Variants in SPTBN2 observed in about 807,000 individuals in gnomAD.
SPTBN2 encodes the protein spectrin beta, non-erythrocytic 2, also known as spectrin beta chain, non-erythrocytic 2.
Under a neutral mutation model 284.2 loss-of-function variants are expected in SPTBN2, and 107 were observed. The observed-to-expected ratio is 0.38, with a 90% CI of 0.32 to 0.44. The LOEUF is 0.44. Among genes scored for constraint, SPTBN2 ranks in the 20% least tolerant of loss-of-function variants. SPTBN2 has a pLI of 1.00. For synonymous variants in SPTBN2, 1,289 were observed against 1,354.8 expected, an observed-to-expected ratio of 0.95 and a Z score of 1.07; for missense variants, 2,569 against 3,287.1, an observed-to-expected ratio of 0.78 and a Z score of 5.34.
intron 1 of SPTBN2, 68 bp from the exon 2 acceptor site, chr11:66,721,508 C>T (rs1357329263): frequency 7.7e-6 from 4 of 517,848 alleles, no homozygotes; most frequent in South Asian, 4.0e-5. Context: ...CAGAGCAATG[C>T]GGTGGTCAGG....
In SPTBN2 at chr11:66,719,004, G is replaced by A. The variant is rs374888713; in HGVS notation, c.157+2080C>T. On this transcript the variant is annotated intron_variant, in intron 3 of 37. Transcript: ENST00000533211. Reference sequence around the variant, plus strand: ...TTACCTAACAATGCACAGGACCCACGAGAGGGGCCCCCAATGCAAACTCCT... The same window carrying A: ...TTACCTAACAATGCACAGGACCCACAAGAGGGGCCCCCAATGCAAACTCCT... Among the ~76,000 whole-genome samples, 10 of 152,234 alleles carry A rather than the reference G, an allele frequency of 6.6e-5. No individual in the cohort carries two copies. The East Asian group carries it at 9.6e-4, about 15-fold the overall frequency.
chr11:66,695,706 AGAG>A (rs1382448962), intron 21 of SPTBN2, among the ~76,000 whole-genome samples: 1 of 152,030 alleles, frequency 6.6e-6, no homozygotes, highest in Non-Finnish European at 1.5e-5. Flanking sequence ...CCCCTGCTAT[AGAG>A]TTCTCTTTAC....
rs372293906 is a variant in SPTBN2 at position 66,710,742 on chromosome 11, G to A, written c.913C>T (p.Arg305Cys). Reference protein sequence around the residue: ...KVLDHAMEAERLVEKYESLAS... With the variant: ...KVLDHAMEAECLVEKYESLAS... ...AGGGACTCGTATTTCTCCACCAGGC[G>A]CTCTGCCTCCATGGCATGGTCCAGC... Residue 305 changes from arginine (R) to cysteine (C), a missense_variant, in exon 10 of 38, where the codon CGC becomes TGC. By Grantham distance (180) the Arg-to-Cys change is radical. This residue lies in a region of SPTBN2 where 304 missense variants were observed against 522.1 expected (regional missense o/e 0.58). Transcript: ENST00000533211. This position sits in a 1 kb window ranked among gnomAD's most constrained non-coding sequence, Gnocchi z 4.9. 1.5e-5 allele frequency: 24 copies of A among 1,614,082 alleles called. No individual in the cohort carries two copies. Among genetic ancestry groups the A allele is most frequent in the East Asian group, 2.2e-5 (1 of 44,886 alleles).
In SPTBN2 at chr11:66,718,416, T is replaced by A. The variant is rs553609961; in HGVS notation, c.158-2435A>T. Among the ~76,000 whole-genome samples the A allele has an allele frequency of 2.4e-4, 36 of 152,310 alleles. No homozygotes were observed. The highest frequency in any genetic ancestry group is 8.5e-4 in the Admixed American group (13 of 15,298). On this transcript the variant is annotated intron_variant, in intron 3 of 37. Transcript: ENST00000533211. This position sits in a 1 kb window ranked among gnomAD's most constrained non-coding sequence, Gnocchi z 4.8. ...GGTCCCTCTCGCCCAGGCACAGTCG[T>A]CCCCACAGGGGGCCCCCGGGCCTCA...
chr11:66,687,420 G>C lies in SPTBN2; in HGVS notation c.6722+7C>G, dbSNP rs1940192190. On this transcript the variant is annotated splice_region_variant and intron_variant, in intron 35 of 37. Transcript: ENST00000533211. This position sits in a 1 kb window ranked among gnomAD's most constrained non-coding sequence, Gnocchi z 5.2. The stretch of plus-strand genomic sequence containing the variant: ...CCCTCTGAGAGCAGGCTCCAGAGAG[G>C]CTGTACCTGTTGGCAGCCTTCTTCC... 1 of 1,604,646 alleles carries C rather than the reference G, an allele frequency of 6.2e-7. No individual in the cohort carries two copies. The highest frequency in any genetic ancestry group is 1.3e-5 in the African/African-American group (1 of 75,048).
chr11:66,705,782 A>G lies in SPTBN2; in HGVS notation c.1709T>C (p.Leu570Pro). ...TGCCTCCACCAGCTCGTGCAGCTGC[A>G]GCAGGTCCTCCACTCCTGCTAGGTG... ...GRHLAGVEDL[L>P]QLHELVEADI... Residue 570 changes from leucine (L) to proline (P), a missense_variant, in exon 14 of 38, where the codon CTG becomes CCG. By Grantham distance (98) the Leu-to-Pro change is moderately conservative. Around this residue, in one of 6 missense-constraint regions of SPTBN2, gnomAD observed 1,012 missense variants for 1,248.9 expected, o/e 0.81. Transcript: ENST00000533211. 5 of 1,612,544 alleles carry G rather than the reference A, an allele frequency of 3.1e-6. No individual in the cohort carries two copies. The South Asian group carries it at 5.5e-5, about 18-fold the overall frequency.
At chr11:66,725,200 C>T (rs1942572498) in intron 1 of SPTBN2, among the ~76,000 whole-genome samples, 1 of 152,324 alleles carries the variant, frequency 6.6e-6, no homozygotes, top group South Asian at 2.1e-4. Context: ...AGATCACAGA[C>T]CCCCACAGGG....
Position 66,693,589 on chromosome 11 carries a change from C to G in SPTBN2, c.4594-143G>C. On this transcript the variant is annotated intron_variant, in intron 23 of 37. Transcript: ENST00000533211. This position sits in a 1 kb window ranked among gnomAD's most constrained non-coding sequence, Gnocchi z 5.7. The stretch of plus-strand genomic sequence containing the variant: ...AGCCTGGGGGTGCGATGGTAACACC[C>G]GTCAGCCGCCCAGCCCCCACTATCT... 1 of 1,420,822 alleles carries G rather than the reference C, an allele frequency of 7.0e-7. No homozygotes were observed. Among genetic ancestry groups the G allele is most frequent in the Non-Finnish European group, 9.6e-7 (1 of 1,046,440 alleles). 88.0% of individuals were successfully genotyped at this position (1,420,822 alleles called of 1,614,324 possible).
chr11:66,694,535 AAGAATCC>A (rs1287757395), intron 21 of SPTBN2, among the ~76,000 whole-genome samples, 172 bp from the exon 22 acceptor site: 1 of 152,208 alleles, frequency 6.6e-6, no homozygotes, highest in Non-Finnish European at 1.5e-5. Context: ...TTATATGCAC[AAGAATCC>A]AAGGGCAGGG....
Position 66,692,607 on chromosome 11 carries a change from C to T in SPTBN2, c.5119G>A (p.Glu1707Lys). Residue 1707 changes from glutamate (E) to lysine (K), a missense_variant, in exon 26 of 38, where the codon GAA (glutamate) becomes AAA (lysine). Physicochemically the swap from Glu to Lys is moderately conservative, Grantham distance 56. This residue lies in a region of SPTBN2 where 1,130 missense variants were observed against 1,317.3 expected (regional missense o/e 0.86). Coordinates refer to ENST00000533211, the MANE Select transcript of SPTBN2 (RefSeq NM_006946.4). ...ACCTCGCGCTCCTGGATCCACTGTT[C>T]CAGGTCATCCAGCTCGCGGCGGAGC... ...CQLRRELDDL[E>K]QWIQEREVVA... The T allele has an allele frequency of 6.2e-7, 1 of 1,606,936 alleles. No homozygotes were observed. The highest frequency in any genetic ancestry group is 2.2e-5 in the East Asian group (1 of 44,870).
Position 66,683,559 on chromosome 11 carries a change from C to T in SPTBN2, c.*2312G>A, listed in dbSNP as rs1426014658. On this transcript the variant is annotated 3_prime_UTR_variant, in exon 38 of 38. Transcript: ENST00000533211. ...TAATTCCTGACACTATGCTTCCCCT[C>T]TTCTATGTCCTGTTCTTAAGGAATC... is the stretch of plus-strand genomic sequence containing the variant. Among the ~76,000 whole-genome samples the T allele has an allele frequency of 1.3e-5, 2 of 152,220 alleles. No individual in the cohort carries two copies. Among genetic ancestry groups the T allele is most frequent in the Non-Finnish European group, 2.9e-5 (2 of 68,042 alleles).
rs934696972 is a variant in SPTBN2, at chr11:66,685,771, A to C, written c.*100T>G. 3 of 1,151,524 alleles carry C rather than the reference A, an allele frequency of 2.6e-6. No individual in the cohort carries two copies. Among genetic ancestry groups the C allele is most frequent in the African/African-American group, 3.0e-5 (2 of 66,070 alleles). 71.3% of individuals were successfully genotyped at this position (1,151,524 alleles called of 1,614,324 possible). On this transcript the variant is annotated 3_prime_UTR_variant, in exon 38 of 38. Coordinates refer to ENST00000533211, the MANE Select transcript of SPTBN2 (RefSeq NM_006946.4). This position sits in a 1 kb window ranked among gnomAD's most constrained non-coding sequence, Gnocchi z 4.4. ...TGGGTTGACCTTGGCAACAGACCCT[A>C]GCAGCAGGCAGTTGTCCTGACAAGA...
intron 6 of SPTBN2, 71 bp downstream of exon 6, chr11:66,714,245 A>G: frequency 6.2e-7 from 1 of 1,606,612 alleles, no homozygotes; most frequent in East Asian, 2.2e-5. Context: ...TCACCAGCTC[A>G]TGGTTCCTGG....
In SPTBN2 at chr11:66,700,772, G is replaced by A. The variant is rs1011659041; in HGVS notation, c.3327C>T (p.Ala1109=). 6.2e-7 allele frequency: 1 copy of A among 1,602,076 alleles called. No homozygotes were observed. The change falls in exon 17 of 38, where the codon GCC becomes GCT. Residue 1109 remains alanine, a synonymous_variant. Coordinates refer to ENST00000533211, the MANE Select transcript of SPTBN2 (RefSeq NM_006946.4). The surrounding 1 kb of genome is among the most constrained non-coding windows in gnomAD (Gnocchi z 6.6). ...GGGCCCGCTCCACCTCTCCCCGCAG[G>A]GCTGCATGTTGGGCCAGGAGGGCCT... The part of the protein sequence containing the change: ...EAEALLAQHA[A]LRGEVERAQS...
chr11:66,690,822 T>C (rs1426907260), intron 27 of SPTBN2, among the ~76,000 whole-genome samples: 1 of 152,122 alleles, frequency 6.6e-6, no homozygotes, highest in Non-Finnish European at 1.5e-5. Flanking sequence ...CCAGAGATGT[T>C]TTCTTTCTTT....
chr11:66,721,817 G>A (rs1942418569), intron 1 of SPTBN2, among the ~76,000 whole-genome samples: 1 of 152,030 alleles, frequency 6.6e-6, no homozygotes. Context: ...AGGCCGAGGT[G>A]GGTGGATCAC....
At position 66,708,899 on chromosome 11, in the gene SPTBN2, G is replaced by T. The variant is rs892557824; in HGVS notation, c.1191+3C>A. On this transcript the variant is annotated splice_donor_region_variant and intron_variant, in intron 11 of 37. Transcript: ENST00000533211. This position sits in a 1 kb window ranked among gnomAD's most constrained non-coding sequence, Gnocchi z 4.4. ...GGTGGGTGGCCTGTGGGCAGCCACG[G>T]ACCTTGTTGATGTCCGAGATGAGCC... 6 of 1,613,500 alleles carry T rather than the reference G, an allele frequency of 3.7e-6. No homozygotes were observed. Among genetic ancestry groups the T allele is most frequent in the African/African-American group, 1.3e-5 (1 of 75,044 alleles).
upstream of SPTBN2, among the ~76,000 whole-genome samples, chr11:66,729,397 G>A (rs1313792570): frequency 6.6e-6 from 1 of 152,086 alleles, no homozygotes; most frequent in African/African-American, 2.4e-5. Context: ...GTTAGGTTAT[G>A]TACTGCCCCT....
At position 66,692,611 on chromosome 11, in the gene SPTBN2, G is replaced by A. The variant is rs771467437; in HGVS notation, c.5115C>T (p.Asp1705=). 1.2e-6 allele frequency: 2 copies of A among 1,606,988 alleles called. No homozygotes were observed. The highest frequency in any genetic ancestry group is 1.7e-6 in the Non-Finnish European group (2 of 1,179,952). ...RLCQLRRELD[D]LEQWIQEREV... is the part of the protein sequence containing the mutation. ...CGCGCTCCTGGATCCACTGTTCCAG[G>A]TCATCCAGCTCGCGGCGGAGCTGGC... Residue 1705 remains aspartate, a synonymous_variant, in exon 26 of 38, where the codon GAC becomes GAT. Transcript: ENST00000533211.
Sources: allele counts gnomAD v4.1 joint callset (sites outside exome capture counted in the v4.1 genomes callset), GRCh38; gene constraint gnomAD v4.1.1; regional missense constraint gnomAD v4.1.1; non-coding constraint Gnocchi (gnomAD v3.1); transcripts MANE v1.5; gene names NCBI Gene and HGNC (gene_info 2026-07-23, HGNC 2026-07-21).